WWOX: variants seen among roughly 807,000 people sequenced by gnomAD.
WWOX encodes the protein WW domain-containing oxidoreductase.
In WWOX, 69 loss-of-function variants were observed where a neutral mutation model predicts 46.2. That is an observed-to-expected ratio of 1.49 (90% CI 1.23 to 1.82). The LOEUF is 1.82. WWOX is among the 40% of genes most tolerant of loss of function. WWOX has a pLI of 0.00. For missense variants in WWOX, 919 were observed against 542.6 expected (o/e 1.69, Z -6.89); for synonymous variants, 359 against 202.6 (o/e 1.77, Z -6.56).
intron 8 of WWOX, among the ~76,000 whole-genome samples, chr16:78,842,152 T>G (rs1377467188): frequency 1.3e-5 from 2 of 152,020 alleles, no homozygotes; most frequent in Non-Finnish European, 2.9e-5. Flanking sequence ...CAGGAGGAGT[T>G]CATTTTCAAC....
intron 7 of WWOX, among the ~76,000 whole-genome samples, chr16:78,432,139 A>G (rs2083234438): frequency 7.0e-6 from 1 of 143,510 alleles, no homozygotes; most frequent in Non-Finnish European, 1.5e-5. Flanking sequence ...TTTTTTTGAG[A>G]CCGAGTCTAG....
chr16:78,984,306 G>C (rs980009273), intron 8 of WWOX, among the ~76,000 whole-genome samples: 1 of 152,158 alleles, frequency 6.6e-6, no homozygotes, highest in African/African-American at 2.4e-5. Flanking sequence ...TCAGGTAATT[G>C]CAAGTCCCCC....
At chr16:78,302,256 C>G (rs913281613) in intron 5 of WWOX, among the ~76,000 whole-genome samples, 3 of 152,110 alleles carry the variant, frequency 2.0e-5, no homozygotes, top group Non-Finnish European at 2.9e-5. Context: ...CCACTGTGCC[C>G]GGCCTTAGAT....
At chr16:78,477,169 G>A (rs1760374471) in intron 8 of WWOX, among the ~76,000 whole-genome samples, 3 of 152,056 alleles carry the variant, frequency 2.0e-5, no homozygotes, top group Admixed American at 6.6e-5. Flanking sequence ...TAGTGTAATC[G>A]AAGCAGCAAG....
intron 5 of WWOX, among the ~76,000 whole-genome samples, chr16:78,360,605 AG>A (rs1436559988): frequency 2.6e-4 from 30 of 116,730 alleles, no homozygotes; most frequent in African/African-American, 4.9e-4. Flanking sequence ...AAAAAGTTGC[AG>A]AAATAGCAAT....
At chr16:78,429,204 G>A (rs1407007331) in intron 7 of WWOX, among the ~76,000 whole-genome samples, 1 of 152,200 alleles carries the variant, frequency 6.6e-6, no homozygotes, top group Non-Finnish European at 1.5e-5. Context: ...AGTCTGGTAT[G>A]GTGATGACAG....
At position 79,182,200 on chromosome 16, in the gene WWOX, G is replaced by C. The variant is rs143035532; in HGVS notation, c.1057-29408G>C. 6.8e-3 allele frequency among the ~76,000 whole-genome samples: 1,037 copies of C among 151,890 alleles called. 6 individuals are homozygous for C. The highest frequency in any genetic ancestry group is 0.016 in the South Asian group (76 of 4,792). On this transcript the variant is annotated intron_variant, in intron 8 of 8. Transcript: ENST00000566780. ...CGTTTTCATCTTCAGGTCATGCCCT[G>C]TGTCACCTGACTCAGGCACCATTAG...
intron 8 of WWOX, among the ~76,000 whole-genome samples, chr16:79,200,895 T>C (rs2051335933): frequency 6.6e-6 from 1 of 152,206 alleles, no homozygotes; most frequent in South Asian, 2.1e-4. Context: ...GCTTCATCTA[T>C]ACTTTGATGT....
intron 8 of WWOX, among the ~76,000 whole-genome samples, chr16:79,011,953 C>G (rs139942651): frequency 4.6e-5 from 7 of 152,324 alleles, no homozygotes; most frequent in Non-Finnish European, 7.3e-5. Flanking sequence ...TGTGCCTGGC[C>G]TCTGTCAACT....
At chr16:78,556,583 G>C (rs968181260) in intron 8 of WWOX, among the ~76,000 whole-genome samples, 1 of 152,144 alleles carries the variant, frequency 6.6e-6, no homozygotes, top group Admixed American at 6.5e-5. Context: ...ACCGGCGTGC[G>C]GTGAGTTGCC....
chr16:79,002,705 T>C (rs1171867679), intron 8 of WWOX, among the ~76,000 whole-genome samples: 2 of 152,194 alleles, frequency 1.3e-5, no homozygotes, highest in Non-Finnish European at 2.9e-5. Flanking sequence ...ACTGTGCCTA[T>C]TCCCATTTCA....
intron 8 of WWOX, among the ~76,000 whole-genome samples, chr16:79,002,158 G>A (rs115764289): frequency 0.013 from 1,839 of 146,554 alleles, 35 homozygotes; most frequent in African/African-American, 0.045. Context: ...TCGACGTGCT[G>A]TACTCCTAAC....
chr16:78,626,640 C>G (rs772028003), intron 8 of WWOX, among the ~76,000 whole-genome samples: 2 of 152,174 alleles, frequency 1.3e-5, no homozygotes, highest in Non-Finnish European at 2.9e-5. Context: ...GTCTTTCCCT[C>G]TACTTTCCAC....
intron 8 of WWOX, among the ~76,000 whole-genome samples, chr16:78,538,588 G>A (rs1405949928): frequency 1.3e-5 from 2 of 152,172 alleles, no homozygotes; most frequent in East Asian, 3.9e-4. Context: ...TGTTCTCTGA[G>A]AGAATTGCTC....
intron 8 of WWOX, among the ~76,000 whole-genome samples, chr16:79,105,693 C>T (rs556729794): frequency 6.7e-6 from 1 of 149,608 alleles, no homozygotes; most frequent in South Asian, 2.1e-4. Flanking sequence ...GACAGGGTCT[C>T]ACTCTGTCAC....
At chr16:79,187,427 G>C (rs922126954) in intron 8 of WWOX, among the ~76,000 whole-genome samples, 1 of 152,172 alleles carries the variant, frequency 6.6e-6, no homozygotes, top group African/African-American at 2.4e-5. Context: ...TTGAGACAGA[G>C]TATCGCTCTG....
At chr16:78,753,534 T>A (rs367706902) in intron 8 of WWOX, among the ~76,000 whole-genome samples, 2 of 151,866 alleles carry the variant, frequency 1.3e-5, no homozygotes, top group Middle Eastern at 3.2e-3. Context: ...GTGCAGTGGC[T>A]CATGCCTGTA....
intron 8 of WWOX, among the ~76,000 whole-genome samples, chr16:78,582,336 A>C (rs183008001): frequency 1.3e-5 from 2 of 152,344 alleles, no homozygotes; most frequent in East Asian, 3.9e-4. Context: ...TATAGATAAA[A>C]ATGTTAATTG....
Position 78,504,102 on chromosome 16 carries a change from A to G in WWOX, c.1056+71350A>G, listed in dbSNP as rs146245151. 4.6e-5 allele frequency among the ~76,000 whole-genome samples: 7 copies of G among 152,320 alleles called. No homozygotes were observed. The East Asian group carries it at 1.4e-3, about 29-fold the overall frequency. On this transcript the variant is annotated intron_variant, in intron 8 of 8. Coordinates refer to ENST00000566780, the MANE Select transcript of WWOX (RefSeq NM_016373.4). ...GATTTCTTTTATGATTAATTCTCCTATTAAGTTTTAATGACTTCAAAGATA... is the reference window on the plus strand; with the variant it reads ...GATTTCTTTTATGATTAATTCTCCTGTTAAGTTTTAATGACTTCAAAGATA...
Sources: allele counts gnomAD v4.1 joint callset (sites outside exome capture counted in the v4.1 genomes callset), GRCh38; gene constraint gnomAD v4.1.1; transcripts MANE v1.5; gene names NCBI Gene and HGNC (gene_info 2026-07-23, HGNC 2026-07-21).